Variants in CLVS1 observed in about 807,000 individuals in gnomAD.
The protein encoded by CLVS1 is clavesin 1.
CLVS1 carries 10 observed loss-of-function variants against 33.1 expected under a neutral mutation model. The ratio of observed to expected loss-of-function variants is 0.30; its 90% CI spans 0.19 to 0.51. The LOEUF (loss-of-function observed/expected upper bound fraction) is 0.51, where lower values mean the gene tolerates loss of function less well. Ranked by LOEUF, CLVS1 falls within the 20% of genes least tolerant of loss-of-function variation. The probability of loss-of-function intolerance (pLI) is 0.97; values close to 1 mark genes in which losing one functional copy is unlikely to be tolerated. For synonymous variants in CLVS1, 163 were observed against 166.1 expected, an observed-to-expected ratio of 0.98 and a Z score of 0.14; for missense variants, 343 against 433.4, an observed-to-expected ratio of 0.79 and a Z score of 1.85.
intron 2 of CLVS1, among the ~76,000 whole-genome samples, chr8:61,311,314 C>T (rs1361717976): frequency 6.6e-6 from 1 of 152,154 alleles, no homozygotes; most frequent in Non-Finnish European, 1.5e-5. Flanking sequence ...TTCTTTTATT[C>T]TCCCTTCTCC....
At chr8:61,444,957 A>G (rs1355694926) in intron 3 of CLVS1, among the ~76,000 whole-genome samples, 8 of 152,186 alleles carry the variant, frequency 5.3e-5, no homozygotes, top group Admixed American at 5.2e-4. Context: ...CAGTTTGCAT[A>G]TGAAAGGGGA....
chr8:61,476,681 CTT>C (rs1817947485), intron 5 of CLVS1, among the ~76,000 whole-genome samples: 1 of 152,204 alleles, frequency 6.6e-6, no homozygotes, highest in African/African-American at 2.4e-5. Flanking sequence ...TGCTTATCAA[CTT>C]AAGGAGATTT....
chr8:61,182,396 CCTACAGAATGAGAGAAAATTTTTGCAAT>C (rs1253519471), intron 2 of CLVS1, among the ~76,000 whole-genome samples: 1 of 152,092 alleles, frequency 6.6e-6, no homozygotes, highest in East Asian at 1.9e-4. Flanking sequence ...GAAAAGGCAA[CCTACAGAATGAGAGAAAATTTTTGCAAT>C]CTACCCATCT....
intron 2 of CLVS1, among the ~76,000 whole-genome samples, chr8:61,168,615 C>T (rs139965672): frequency 5.9e-5 from 9 of 152,316 alleles, no homozygotes; most frequent in African/African-American, 2.2e-4. Context: ...TTTCTTCCAA[C>T]GTCTGGCTGC....
chr8:61,435,989 A>C (rs766394717), intron 3 of CLVS1, among the ~76,000 whole-genome samples: 11 of 152,226 alleles, frequency 7.2e-5, no homozygotes, highest in Non-Finnish European at 1.3e-4. Context: ...TTAATATTTT[A>C]TGTGTATTTT....
the CLVS1 span, among the ~76,000 whole-genome samples, chr8:60,973,981 C>A: frequency 2.0e-4 from 31 of 152,182 alleles, no homozygotes; most frequent in East Asian, 5.8e-4. Context: ...TTTGCTTTTT[C>A]CTTTGGAAGG....
chr8:61,470,261 A>G (rs1817688939), intron 5 of CLVS1, among the ~76,000 whole-genome samples: 1 of 152,220 alleles, frequency 6.6e-6, no homozygotes, highest in Non-Finnish European at 1.5e-5. Flanking sequence ...AATTTAGTTA[A>G]TAAGAGAATG....
chr8:61,167,472 G>A (rs927637900), intron 2 of CLVS1, among the ~76,000 whole-genome samples: 4 of 152,014 alleles, frequency 2.6e-5, no homozygotes, highest in Non-Finnish European at 5.9e-5. Flanking sequence ...GTGAGCCACC[G>A]TGCCCGGTCC....
chr8:61,292,982 T>C lies in CLVS1; in HGVS notation c.-152+4844T>C, dbSNP rs369669098. On this transcript the variant is annotated intron_variant, in intron 1 of 5. Coordinates refer to ENST00000325897, the MANE Select transcript of CLVS1 (RefSeq NM_173519.3). ...GGCATCTATTTTGGTTACAAAAGTT[T>C]TCAGTGTCTCTACTCTGATGGAGCT... Among the ~76,000 whole-genome samples, 6 of 152,320 alleles carry C rather than the reference T, an allele frequency of 3.9e-5. No homozygotes were observed. In the South Asian group the frequency reaches 8.3e-4, roughly 21 times the overall value.
At chr8:61,195,988 G>T (rs1346313277) in intron 2 of CLVS1, among the ~76,000 whole-genome samples, 1 of 151,920 alleles carries the variant, frequency 6.6e-6, no homozygotes, top group East Asian at 1.9e-4. Flanking sequence ...TATGAGCTTT[G>T]GGTTTCAGCT....
intron 3 of CLVS1, among the ~76,000 whole-genome samples, chr8:61,443,008 TG>T (rs1378211634): frequency 1.3e-5 from 2 of 152,228 alleles, no homozygotes; most frequent in African/African-American, 4.8e-5. Context: ...TATCTTCTCA[TG>T]TACTTATTTG....
chr8:61,302,031 A>C (rs530424065), intron 2 of CLVS1, among the ~76,000 whole-genome samples: 32 of 152,242 alleles, frequency 2.1e-4, no homozygotes, highest in African/African-American at 7.5e-4. Flanking sequence ...AACCCCCATA[A>C]CCATTAAAAG....
rs1813276161 is a variant in CLVS1 at position 61,367,850 on chromosome 8, G to A, written c.456-8755G>A. 2.0e-5 allele frequency among the ~76,000 whole-genome samples: 3 copies of A among 152,180 alleles called. No individual in the cohort carries two copies. In the South Asian group the frequency reaches 6.2e-4, roughly 32 times the overall value. Reference sequence around the variant, plus strand: ...TCCTACTGATTTCCATCTACTGGCAGGAAAGTAAAATTACTTTTTTCTCTT... The same window carrying A: ...TCCTACTGATTTCCATCTACTGGCAAGAAAGTAAAATTACTTTTTTCTCTT... On this transcript the variant is annotated intron_variant, in intron 2 of 5. Transcript: ENST00000325897.
intron 5 of CLVS1, among the ~76,000 whole-genome samples, chr8:61,461,192 C>T (rs1339740847): frequency 3.3e-5 from 5 of 152,186 alleles, no homozygotes; most frequent in Non-Finnish European, 5.9e-5. Context: ...ATGTCCACAA[C>T]TGAGGGCTTC....
rs116249431 is a variant in CLVS1 at position 61,104,570 on chromosome 8, C to T, written c.-242-27200C>T. ...TTAAGAATCATGAACCCATTCACAT[C>T]ATTTGAAAAGTTGGCTTATTTTTTA... On this transcript the variant is annotated intron_variant, in intron 1 of 2. Coordinates refer to the CLVS1 transcript ENST00000522621. 6.5e-3 allele frequency among the ~76,000 whole-genome samples: 986 copies of T among 152,306 alleles called. 12 individuals carry two copies. The highest frequency in any genetic ancestry group is 0.022 in the African/African-American group (928 of 41,574).
At chr8:61,057,714 T>C (rs533638081) in intron 1 of CLVS1, among the ~76,000 whole-genome samples, 1 of 152,310 alleles carries the variant, frequency 6.6e-6, no homozygotes, top group South Asian at 2.1e-4. Flanking sequence ...AGCAAAAGCC[T>C]TGGCTGTTTC....
chr8:61,266,337 C>T (rs1809302812), intron 2 of CLVS1, among the ~76,000 whole-genome samples: 1 of 147,388 alleles, frequency 6.8e-6, no homozygotes, highest in Admixed American at 6.8e-5. Flanking sequence ...AGCTGAACTG[C>T]TTTTCCCCAC....
chr8:61,345,621 G>GGT (rs1554561987), intron 2 of CLVS1, among the ~76,000 whole-genome samples: 14 of 148,684 alleles, frequency 9.4e-5, no homozygotes, highest in South Asian at 6.4e-4. Context: ...AGCCTCTAGG[G>GGT]GTGTGTGTGT....
intron 2 of CLVS1, among the ~76,000 whole-genome samples, chr8:61,201,086 T>TCA (rs564895631): frequency 3.0e-4 from 45 of 152,202 alleles, no homozygotes; most frequent in Admixed American, 1.4e-3. Flanking sequence ...CCCCTATAAC[T>TCA]CACACACACA....
Sources: allele counts gnomAD v4.1 joint callset (sites outside exome capture counted in the v4.1 genomes callset), GRCh38; gene constraint gnomAD v4.1.1; transcripts MANE v1.5; gene names NCBI Gene and HGNC (gene_info 2026-07-23, HGNC 2026-07-21).